GRIA1: variants seen among roughly 807,000 people sequenced by gnomAD.
The protein encoded by GRIA1 is glutamate ionotropic receptor AMPA type subunit 1.
Under a neutral mutation model 99.2 loss-of-function variants are expected in GRIA1, and 31 were observed. The observed-to-expected ratio is 0.31, with a 90% confidence interval of 0.23 to 0.42. The LOEUF (loss-of-function observed/expected upper bound fraction) is 0.42. GRIA1 is among the 10% of genes least tolerant of loss of function. The probability of loss-of-function intolerance (pLI) is 1.00; values close to 1 mark genes in which losing one functional copy is unlikely to be tolerated. For missense variants in GRIA1, 782 were observed against 1,157.5 expected, an observed-to-expected ratio of 0.68 and a Z score of 4.71; for synonymous variants, 438 against 432.4, an observed-to-expected ratio of 1.01 and a Z score of -0.16.
At chr5:153,770,646 TC>T (rs35689901) in intron 13 of GRIA1, among the ~76,000 whole-genome samples, 1 of 152,228 alleles carries the variant, frequency 6.6e-6, no homozygotes, top group Non-Finnish European at 1.5e-5. Context: ...CATGTGTTCT[TC>T]CCCATGCCTC....
At chr5:153,539,585 AT>A (rs1416925623) in intron 2 of GRIA1, among the ~76,000 whole-genome samples, 2 of 152,210 alleles carry the variant, frequency 1.3e-5, no homozygotes, top group East Asian at 3.9e-4. Flanking sequence ...ATTTGTACAT[AT>A]GTAGAATGAG....
intron 1 of GRIA1, 65 bp from the exon 2 acceptor site, chr5:153,493,863 T>G: frequency 1.9e-6 from 3 of 1,540,878 alleles, no homozygotes; most frequent in Non-Finnish European, 2.7e-6. Context: ...TCATCTGGAG[T>G]GAGTCGTGAG....
intron 1 of GRIA1, among the ~76,000 whole-genome samples, chr5:153,492,483 G>C (rs1218146495): frequency 1.3e-5 from 2 of 152,126 alleles, no homozygotes; most frequent in Non-Finnish European, 2.9e-5. Flanking sequence ...TGGTCATCTG[G>C]GGGGAAGGGG....
At chr5:153,617,734 A>G (rs1386306993) in intron 2 of GRIA1, among the ~76,000 whole-genome samples, 5 of 152,130 alleles carry the variant, frequency 3.3e-5, no homozygotes, top group African/African-American at 1.2e-4. Context: ...ATTTATTATG[A>G]CCAACTAAAA....
At chr5:153,567,700 T>C (rs767070506) in intron 2 of GRIA1, among the ~76,000 whole-genome samples, 3 of 152,154 alleles carry the variant, frequency 2.0e-5, no homozygotes, top group Non-Finnish European at 4.4e-5. Flanking sequence ...GTCCACCTTA[T>C]GGGAAGCAGT....
intron 1 of GRIA1, among the ~76,000 whole-genome samples, chr5:153,491,623 T>C (rs1753926244): frequency 6.6e-6 from 1 of 152,068 alleles, no homozygotes; most frequent in Admixed American, 6.5e-5. Context: ...TGGAACTTCC[T>C]CGCCTGCCTT....
rs1427646772 is a variant in GRIA1 at position 153,490,850 on chromosome 5, T to C, written c.-39T>C. ...AGGGGGGGAAACACCAAATCTATGA[T>C]TGGACCTGGGCTTCTTTTTCGCCAA... On this transcript the variant is annotated 5_prime_UTR_variant, in exon 1 of 16. Coordinates refer to ENST00000285900, the MANE Select transcript of GRIA1 (RefSeq NM_000827.4). 6.9e-7 allele frequency: 1 copy of C among 1,455,736 alleles called. No homozygotes were observed. Among genetic ancestry groups the C allele is most frequent in the Non-Finnish European group, 9.7e-7 (1 of 1,035,726 alleles). 90.2% of individuals were successfully genotyped at this position (1,455,736 alleles called of 1,614,324 possible).
chr5:153,770,778 A>G (rs1287184823), intron 13 of GRIA1, among the ~76,000 whole-genome samples: 1 of 152,246 alleles, frequency 6.6e-6, no homozygotes, highest in African/African-American at 2.4e-5. Context: ...AGAGTTCTCC[A>G]GCAACCTGAA....
chr5:153,562,774 G>A (rs894654775), intron 2 of GRIA1, among the ~76,000 whole-genome samples: 2 of 152,128 alleles, frequency 1.3e-5, no homozygotes, highest in African/African-American at 4.8e-5. Context: ...ATATCTCAAG[G>A]TGTCATTATT....
intron 7 of GRIA1, among the ~76,000 whole-genome samples, chr5:153,680,740 C>T (rs1756918094): frequency 6.6e-6 from 1 of 152,170 alleles, no homozygotes; most frequent in Non-Finnish European, 1.5e-5. Context: ...AAGACGCAGT[C>T]CTGCCTTTAA....
intron 2 of GRIA1, among the ~76,000 whole-genome samples, chr5:153,634,823 A>G (rs1449738199): frequency 6.6e-6 from 1 of 152,362 alleles, no homozygotes; most frequent in African/African-American, 2.4e-5. Context: ...TAGTGCTCAC[A>G]GCTCCAGAAA....
chr5:153,760,454 G>GAGTA (rs1280773724), intron 11 of GRIA1, among the ~76,000 whole-genome samples: 1 of 151,792 alleles, frequency 6.6e-6, no homozygotes, highest in Non-Finnish European at 1.5e-5. Context: ...ACACATCTAG[G>GAGTA]AGTAAATTTA....
chr5:153,560,679 C>T (rs1761042372), intron 2 of GRIA1, among the ~76,000 whole-genome samples: 1 of 152,184 alleles, frequency 6.6e-6, no homozygotes, highest in Non-Finnish European at 1.5e-5. Context: ...TATTTAACCT[C>T]TTTTTCTTTA....
intron 2 of GRIA1, among the ~76,000 whole-genome samples, chr5:153,601,348 C>T (rs571527465): frequency 6.6e-6 from 1 of 152,184 alleles, no homozygotes; most frequent in Admixed American, 6.5e-5. Context: ...CTTCTTATTT[C>T]CAGAAAAGTG....
intron 6 of GRIA1, 32 bp from the exon 7 acceptor site, chr5:153,676,962 T>G: frequency 7.4e-7 from 1 of 1,356,870 alleles, no homozygotes; most frequent in East Asian, 2.7e-5. Flanking sequence ...CAGCTCTCTT[T>G]GATACCTAAC....
intron 2 of GRIA1, among the ~76,000 whole-genome samples, chr5:153,613,136 G>C (rs1766151885): frequency 6.6e-6 from 1 of 150,798 alleles, no homozygotes; most frequent in Non-Finnish European, 1.5e-5. Flanking sequence ...AAAAATTTCT[G>C]TTCCAGGGAG....
At chr5:153,680,739 T>C (rs1363616723) in intron 7 of GRIA1, among the ~76,000 whole-genome samples, 1 of 152,178 alleles carries the variant, frequency 6.6e-6, no homozygotes, top group Non-Finnish European at 1.5e-5. Context: ...TAAGACGCAG[T>C]CCTGCCTTTA....
chr5:153,714,068 C>A (rs1759501496), intron 11 of GRIA1, among the ~76,000 whole-genome samples: 1 of 152,138 alleles, frequency 6.6e-6, no homozygotes, highest in East Asian at 1.9e-4. Flanking sequence ...AGGGACATAG[C>A]CAAAATCACA....
intron 2 of GRIA1, among the ~76,000 whole-genome samples, chr5:153,529,209 T>A (rs1275612418): frequency 6.6e-6 from 1 of 152,242 alleles, no homozygotes; most frequent in Non-Finnish European, 1.5e-5. Flanking sequence ...TGTCTTATAT[T>A]GTCTGACAGG....
Sources: gnomAD v4.1 joint callset for allele counts (sites outside exome capture counted in the v4.1 genomes callset) on GRCh38, gnomAD v4.1.1 for gene constraint, MANE v1.5 for transcripts, NCBI Gene and HGNC (gene_info 2026-07-23, HGNC 2026-07-21) for gene names.